Variants in GPR137C observed in about 807,000 individuals in gnomAD.
GPR137C encodes integral membrane protein GPR137C.
Under a neutral mutation model 43.4 loss-of-function variants are expected in GPR137C, and 27 were observed. The observed-to-expected ratio is 0.62, with a 90% confidence interval of 0.46 to 0.86. GPR137C has a LOEUF of 0.86. GPR137C is among the 40% of genes least tolerant of loss of function. The pLI, the probability that GPR137C is intolerant of heterozygous loss-of-function variation, is 0.00. For synonymous variants in GPR137C, 285 were observed against 226.9 expected, an observed-to-expected ratio of 1.26 and a Z score of -2.30; for missense variants, 522 against 534.6, an observed-to-expected ratio of 0.98 and a Z score of 0.23.
chr14:52,584,782 G>A (rs1031286099), intron 1 of GPR137C, among the ~76,000 whole-genome samples: 9 of 152,146 alleles, frequency 5.9e-5, no homozygotes, highest in Admixed American at 1.3e-4. Flanking sequence ...TTGATTGATT[G>A]CAGAGACAGA....
At chr14:52,581,238 G>C (rs890544331) in intron 1 of GPR137C, among the ~76,000 whole-genome samples, 10 of 146,894 alleles carry the variant, frequency 6.8e-5, no homozygotes, top group Non-Finnish European at 1.5e-5. Flanking sequence ...GATAGACATA[G>C]AAGGTGAACA....
At position 52,577,589 on chromosome 14, in the gene GPR137C, G is replaced by C. The variant is rs192823590; in HGVS notation, c.445-20683G>C. Among the ~76,000 whole-genome samples the C allele has an allele frequency of 1.0e-4, 15 of 147,910 alleles. No homozygotes were observed. In the East Asian group the frequency reaches 2.9e-3, roughly 29 times the overall value. On this transcript the variant is annotated intron_variant, in intron 1 of 6. Transcript: ENST00000321662. ...TTCTTGGCAAAGACAAACAAAATTG[G>C]TAGGCAAACAAAAGAAGAGAGAGGA...
intron 3 of GPR137C, among the ~76,000 whole-genome samples, chr14:52,622,336 A>G (rs941356813): frequency 3.3e-5 from 5 of 152,052 alleles, no homozygotes; most frequent in Non-Finnish European, 7.4e-5. Context: ...TCGCGCATTA[A>G]TCATTTGGAA....
intron 3 of GPR137C, among the ~76,000 whole-genome samples, chr14:52,600,834 C>T (rs1297651995): frequency 6.6e-6 from 1 of 152,062 alleles, no homozygotes; most frequent in African/African-American, 2.4e-5. Context: ...TAAAATCATG[C>T]TAGCATCTTA....
intron 3 of GPR137C, chr14:52,611,514 AC>A (rs1436600422): frequency 2.8e-6 from 1 of 351,542 alleles, no homozygotes. Context: ...TAAGGATACA[AC>A]CTCCTTTTGT....
chr14:52,634,394 T>C (rs1017190078), intron 6 of GPR137C, among the ~76,000 whole-genome samples: 1 of 152,106 alleles, frequency 6.6e-6, no homozygotes, highest in African/African-American at 2.4e-5. Flanking sequence ...CCGTAACTAG[T>C]ACACTATTGA....
chr14:52,603,611 T>C (rs999738180), intron 3 of GPR137C, among the ~76,000 whole-genome samples: 6 of 152,172 alleles, frequency 3.9e-5, no homozygotes, highest in African/African-American at 1.2e-4. Context: ...CTTGGTTCGC[T>C]GCAACTTCTG....
chr14:52,558,590 T>TTA (rs900449484), intron 1 of GPR137C, among the ~76,000 whole-genome samples: 1 of 152,130 alleles, frequency 6.6e-6, no homozygotes, highest in African/African-American at 2.4e-5. Flanking sequence ...AGAATGTACT[T>TTA]TAAACCCAGA....
At chr14:52,598,937 A>G (rs1418983300) in intron 2 of GPR137C, among the ~76,000 whole-genome samples, 1 of 152,224 alleles carries the variant, frequency 6.6e-6, no homozygotes, top group Non-Finnish European at 1.5e-5. Context: ...TTTGCTTTGC[A>G]TGTACACTAA....
chr14:52,587,315 A>G, intron 1 of GPR137C, among the ~76,000 whole-genome samples: 1 of 152,362 alleles, frequency 6.6e-6, no homozygotes, highest in African/African-American at 2.4e-5. Flanking sequence ...TCTCCCTGAG[A>G]CACTTAACCT....
chr14:52,627,075 T>C (rs1249286634), intron 3 of GPR137C, among the ~76,000 whole-genome samples: 1 of 152,170 alleles, frequency 6.6e-6, no homozygotes, highest in African/African-American at 2.4e-5. Flanking sequence ...AACCAAATCA[T>C]AATTTTACCA....
At chr14:52,619,751 G>A (rs1435593146) in intron 3 of GPR137C, among the ~76,000 whole-genome samples, 3 of 152,044 alleles carry the variant, frequency 2.0e-5, no homozygotes, top group Non-Finnish European at 4.4e-5. Context: ...AGGGTCATAG[G>A]AGCCAGAGAT....
intron 3 of GPR137C, among the ~76,000 whole-genome samples, chr14:52,624,103 ATTTTT>A (rs1162592801): frequency 6.6e-6 from 1 of 151,388 alleles, no homozygotes; most frequent in Non-Finnish European, 1.5e-5. Flanking sequence ...TTCTAATTAA[ATTTTT>A]TTAAGTTTTT....
intron 1 of GPR137C, among the ~76,000 whole-genome samples, chr14:52,560,159 AAAC>A (rs1226664185): frequency 2.0e-5 from 3 of 152,190 alleles, no homozygotes; most frequent in African/African-American, 4.8e-5. Flanking sequence ...CCTGTTTCAA[AAAC>A]AACAATTCTA....
At chr14:52,572,224 G>T (rs893183728) in intron 1 of GPR137C, among the ~76,000 whole-genome samples, 1 of 152,118 alleles carries the variant, frequency 6.6e-6, no homozygotes, top group Non-Finnish European at 1.5e-5. Flanking sequence ...AGAAAAAGAG[G>T]GATTCCTCCC....
intron 1 of GPR137C, among the ~76,000 whole-genome samples, chr14:52,581,750 C>T (rs2038650749): frequency 6.6e-6 from 1 of 152,150 alleles, no homozygotes; most frequent in Non-Finnish European, 1.5e-5. Context: ...GTATGCCTAA[C>T]TCTTCACCAT....
intron 1 of GPR137C, chr14:52,597,068 C>A: frequency 2.3e-6 from 1 of 443,946 alleles, no homozygotes; most frequent in South Asian, 1.6e-5. Flanking sequence ...AGTAGATGCA[C>A]AGGCATCTAT....
At chr14:52,580,445 C>T (rs1418603174) in intron 1 of GPR137C, among the ~76,000 whole-genome samples, 2 of 152,164 alleles carry the variant, frequency 1.3e-5, no homozygotes, top group Admixed American at 6.5e-5. Context: ...TCACTGCAAT[C>T]TTCGCCTCTG....
At chr14:52,626,032 C>T (rs1050170387) in intron 3 of GPR137C, among the ~76,000 whole-genome samples, 1 of 152,026 alleles carries the variant, frequency 6.6e-6, no homozygotes. Context: ...AATAATACAA[C>T]TTAAAAAACA....
Sources: allele counts gnomAD v4.1 joint callset (sites outside exome capture counted in the v4.1 genomes callset), GRCh38; gene constraint gnomAD v4.1.1; transcripts MANE v1.5; gene names NCBI Gene and HGNC (gene_info 2026-07-23, HGNC 2026-07-21).